Variants in VPS53 observed in about 807,000 individuals in gnomAD.
VPS53 encodes the protein VPS53 subunit of GARP complex.
A neutral mutation model predicts 107.0 loss-of-function variants in VPS53; 70 were observed. The observed-to-expected ratio is 0.65, with a 90% CI of 0.54 to 0.80. VPS53 has a LOEUF of 0.80. VPS53 is among the 30% of genes least tolerant of loss of function. VPS53 has a pLI of 0.00. For missense variants in VPS53, 917 were observed against 1,049.4 expected (o/e 0.87, Z 1.74); for synonymous variants, 409 against 393.3 (o/e 1.04, Z -0.47).
chr17:549,645 G>T (rs548498608), intron 17 of VPS53, among the ~76,000 whole-genome samples: 1 of 152,064 alleles, frequency 6.6e-6, no homozygotes, highest in African/African-American at 2.4e-5. Flanking sequence ...GCTGCATTCC[G>T]ATCTGAAGTG....
chr17:604,034 T>C (rs551531745), intron 11 of VPS53, among the ~76,000 whole-genome samples: 1 of 152,350 alleles, frequency 6.6e-6, no homozygotes, highest in Non-Finnish European at 1.5e-5. Context: ...AGTTAAAAGC[T>C]TTGATCAAAA....
chr17:691,764 A>G (rs1972783462), intron 4 of VPS53, among the ~76,000 whole-genome samples: 1 of 152,226 alleles, frequency 6.6e-6, no homozygotes, highest in African/African-American at 2.4e-5. Flanking sequence ...CATCTCGGCT[A>G]TTACATACAG....
intron 12 of VPS53, among the ~76,000 whole-genome samples, chr17:593,686 C>T (rs1246342104): frequency 3.3e-5 from 5 of 152,128 alleles, no homozygotes; most frequent in Admixed American, 2.6e-4. Flanking sequence ...TGTGGAGAAA[C>T]AGGAACACTT....
chr17:588,802 T>A (rs887926471), intron 12 of VPS53, among the ~76,000 whole-genome samples: 5 of 152,218 alleles, frequency 3.3e-5, no homozygotes, highest in African/African-American at 1.2e-4. Context: ...AGTGCACAGA[T>A]GTCCTGGGAG....
chr17:619,417 G>T (rs1288593728), intron 11 of VPS53, among the ~76,000 whole-genome samples: 10 of 131,388 alleles, frequency 7.6e-5, no homozygotes, highest in Non-Finnish European at 1.4e-4. Context: ...GACTACAGGC[G>T]TGCACCACCA....
chr17:693,505 T>C (rs906072443), intron 4 of VPS53, among the ~76,000 whole-genome samples: 1 of 152,098 alleles, frequency 6.6e-6, no homozygotes, highest in Non-Finnish European at 1.5e-5. Context: ...GAGGATCACT[T>C]CAGGCCAGGA....
rs1276411125 is a variant in VPS53 at position 524,568 on chromosome 17, T to C, written c.2086-2830A>G. Among the ~76,000 whole-genome samples the C allele has an allele frequency of 6.6e-6, 1 of 152,090 alleles. No homozygotes were observed. Among genetic ancestry groups the C allele is most frequent in the Non-Finnish European group, 1.5e-5 (1 of 68,014 alleles). On this transcript the variant is annotated intron_variant, in intron 19 of 21. Transcript: ENST00000437048. The surrounding 1 kb of genome is among the most constrained non-coding windows in gnomAD (Gnocchi z 4.5). The stretch of plus-strand genomic sequence containing the variant: ...CAGCGACACAACAACAGGCAAACAA[T>C]ACTAACACCGGATTCACAAAAGAGG...
chr17:614,061 C>G (rs1969026451), intron 11 of VPS53, among the ~76,000 whole-genome samples: 1 of 152,234 alleles, frequency 6.6e-6, no homozygotes, highest in African/African-American at 2.4e-5. Flanking sequence ...GAAGTGTCCA[C>G]AACAGGCATC....
At chr17:608,205 G>A (rs565951529) in intron 11 of VPS53, among the ~76,000 whole-genome samples, 2 of 152,218 alleles carry the variant, frequency 1.3e-5, no homozygotes, top group South Asian at 2.1e-4. Context: ...TCTTGCTACC[G>A]CCATGTCCAC....
At chr17:619,478 C>T (rs1316785954) in intron 11 of VPS53, among the ~76,000 whole-genome samples, 4 of 146,208 alleles carry the variant, frequency 2.7e-5, no homozygotes, top group Non-Finnish European at 3.0e-5. Context: ...TGCACCACCA[C>T]GCCTGCTTAT....
At position 637,959 on chromosome 17, in the gene VPS53, C is replaced by T. The variant is rs142180529; in HGVS notation, c.609-6331G>A. On this transcript the variant is annotated intron_variant, in intron 7 of 21. Transcript: ENST00000437048. ...CGTTTGGTGCACAGCTAGTTCAATT[C>T]CTGGATATTCTTGTTAACTTTCTGT... 5.9e-3 allele frequency among the ~76,000 whole-genome samples: 905 copies of T among 152,222 alleles called. 5 individuals carry two copies. The highest frequency in any genetic ancestry group is 0.019 in the African/African-American group (809 of 41,512).
At chr17:703,734 G>A (rs758137721) in intron 2 of VPS53, among the ~76,000 whole-genome samples, 1 of 151,938 alleles carries the variant, frequency 6.6e-6, no homozygotes, top group African/African-American at 2.4e-5. Context: ...GAATTTTTGC[G>A]TATTGCCTTC....
intron 11 of VPS53, among the ~76,000 whole-genome samples, chr17:616,750 G>A (rs1299905698): frequency 6.6e-6 from 1 of 152,236 alleles, no homozygotes; most frequent in African/African-American, 2.4e-5. Flanking sequence ...ACTTGAGTAA[G>A]CTCCTGTCAG....
At chr17:633,477 T>C (rs1042046219) in intron 7 of VPS53, among the ~76,000 whole-genome samples, 8 of 152,218 alleles carry the variant, frequency 5.3e-5, no homozygotes, top group African/African-American at 1.9e-4. Flanking sequence ...AAACCACAAT[T>C]TCTTTGGCTG....
At chr17:581,958 C>T (rs1296023745) in intron 13 of VPS53, among the ~76,000 whole-genome samples, 2 of 150,638 alleles carry the variant, frequency 1.3e-5, no homozygotes, top group African/African-American at 2.4e-5. Context: ...GACCCTCCCT[C>T]AGAACCTAAT....
At chr17:644,603 C>T (rs78404268) in intron 7 of VPS53, among the ~76,000 whole-genome samples, 3,344 of 151,340 alleles carry the variant, frequency 0.022, 43 homozygotes, top group East Asian at 0.07. Context: ...TTTTTTCCCC[C>T]GAGACGGGTC....
chr17:709,487 G>A (rs979940744), intron 2 of VPS53, among the ~76,000 whole-genome samples: 1 of 152,190 alleles, frequency 6.6e-6, no homozygotes, highest in African/African-American at 2.4e-5. Flanking sequence ...CCTCTCTGAA[G>A]TTGTGATTTT....
At chr17:546,226 A>AT (rs928000388) in intron 17 of VPS53, among the ~76,000 whole-genome samples, 1 of 151,936 alleles carries the variant, frequency 6.6e-6, no homozygotes, top group Non-Finnish European at 1.5e-5. Context: ...GAAGACCTAC[A>AT]TTTTTTTCCT....
Position 519,781 on chromosome 17 carries a change from T to G in VPS53, c.2328+45A>C. ...CAATTCCCGGTTAAGAACCGCTGAG[T>G]GTGAGGGGGATGAGCAGGTGTGGAC... On this transcript the variant is annotated intron_variant, in intron 21 of 21. Transcript: ENST00000437048. This position sits in a 1 kb window ranked among gnomAD's most constrained non-coding sequence, Gnocchi z 5.0. 1 of 1,359,278 alleles carries G rather than the reference T, an allele frequency of 7.4e-7. No individual in the cohort carries two copies. The highest frequency in any genetic ancestry group is 1.0e-6 in the Non-Finnish European group (1 of 975,838). 84.2% of individuals were successfully genotyped at this position (1,359,278 alleles called of 1,614,324 possible). A position where few individuals can be genotyped will look rare whatever the true frequency, so the allele number is the denominator to read the frequency against.
Sources: allele counts gnomAD v4.1 joint callset (sites outside exome capture counted in the v4.1 genomes callset), GRCh38; gene constraint gnomAD v4.1.1; non-coding constraint Gnocchi (gnomAD v3.1); transcripts MANE v1.5; gene names NCBI Gene and HGNC (gene_info 2026-07-23, HGNC 2026-07-21).